Variants in DAAM2 observed in about 807,000 individuals in gnomAD.
DAAM2 encodes the protein disheveled-associated activator of morphogenesis 2.
DAAM2 carries 39 observed loss-of-function variants against 120.7 expected under a neutral mutation model. The ratio of observed to expected loss-of-function variants is 0.32; its 90% CI spans 0.25 to 0.42. The LOEUF (loss-of-function observed/expected upper bound fraction) is 0.42, where lower values mean the gene tolerates loss of function less well. DAAM2 is among the 10% of genes least tolerant of loss of function. The pLI is 1.00. For synonymous variants in DAAM2, 488 were observed against 524.9 expected (o/e 0.93, Z 0.96); for missense variants, 1,283 against 1,401.7 (o/e 0.92, Z 1.35).
chr6:39,799,951 A>G lies in DAAM2; in HGVS notation c.-57+7486A>G, dbSNP rs142054134. On this transcript the variant is annotated intron_variant, in intron 1 of 24. Transcript: ENST00000274867. ...GCCTGAGTATTTTTCACTGAAAGGG[A>G]ATCTTATAGTACATGTTACTCTGTA... 2.8e-3 allele frequency among the ~76,000 whole-genome samples: 433 copies of G among 152,206 alleles called. 3 individuals are homozygous for G. The highest frequency in any genetic ancestry group is 9.6e-3 in the African/African-American group (397 of 41,502).
In DAAM2 at chr6:39,888,666, G is replaced by C; in HGVS notation, c.2061-13G>C. On this transcript the variant is annotated splice_polypyrimidine_tract_variant and intron_variant, in intron 16 of 24. Transcript: ENST00000274867. ...TGAGGGCTGTCCTGGATTGAGGTGG[G>C]GTTTTGCCTTAGGTTGAAGCTTTCT... 2 of 1,612,394 alleles carry C rather than the reference G, an allele frequency of 1.2e-6. No individual in the cohort carries two copies. Among genetic ancestry groups the C allele is most frequent in the African/African-American group, 1.3e-5 (1 of 74,982 alleles).
intron 10 of DAAM2, 71 bp from the exon 11 acceptor site, chr6:39,875,259 C>T (rs1764822747): frequency 5.3e-6 from 8 of 1,523,566 alleles, no homozygotes; most frequent in Non-Finnish European, 7.1e-6. Context: ...AGACCCCAGG[C>T]AGCAACTCTA....
chr6:39,896,782 C>A, intron 19 of DAAM2, 30 bp from the exon 20 acceptor site: 7 of 1,530,814 alleles, frequency 4.6e-6, no homozygotes, highest in Non-Finnish European at 6.1e-6. Flanking sequence ...CTAGCCCATG[C>A]AGGCCTCTGA....
chr6:39,825,476 A>G (rs1762640099), intron 1 of DAAM2, among the ~76,000 whole-genome samples: 1 of 151,460 alleles, frequency 6.6e-6, no homozygotes, highest in Non-Finnish European at 1.5e-5. Context: ...TGAAGGAAAC[A>G]TAGTTAAGCA....
Position 39,901,530 on chromosome 6 carries a change from A to G in DAAM2, c.2982+58A>G. 1 of 1,544,784 alleles carries G rather than the reference A, an allele frequency of 6.5e-7. No individual in the cohort carries two copies. Among genetic ancestry groups the G allele is most frequent in the Non-Finnish European group, 8.7e-7 (1 of 1,146,170 alleles). ...GAGACGGGTGCTACTTGGGGAGAAC[A>G]CCCCCAAACTGGGGTGTGTGGGAGG... On this transcript the variant is annotated intron_variant, in intron 24 of 24. Transcript: ENST00000274867. This position sits in a 1 kb window ranked among gnomAD's most constrained non-coding sequence, Gnocchi z 4.5.
At chr6:39,900,723 C>T (rs1257599764) in intron 23 of DAAM2, among the ~76,000 whole-genome samples, 1 of 140,434 alleles carries the variant, frequency 7.1e-6, no homozygotes, top group Non-Finnish European at 1.5e-5. Flanking sequence ...GGAGGTGAAT[C>T]TGCTGCTAGT....
intron 17 of DAAM2, 62 bp downstream of exon 17, chr6:39,888,825 A>G: frequency 7.5e-7 from 1 of 1,336,364 alleles, no homozygotes. Flanking sequence ...CCCCTTCCCA[A>G]CAGCCCCCAG....
chr6:39,897,286 A>C lies in DAAM2; in HGVS notation c.2618+4A>C. ...TTCCAGAAGCTGCCAAAGTCAAGTGAGGGTTCTCTCCAAGACTTCCTTCTC... is the reference window on the plus strand; with the variant it reads ...TTCCAGAAGCTGCCAAAGTCAAGTGCGGGTTCTCTCCAAGACTTCCTTCTC... On this transcript the variant is annotated splice_donor_region_variant and intron_variant, in intron 21 of 24. Coordinates refer to ENST00000274867, the MANE Select transcript of DAAM2 (RefSeq NM_001201427.2). 2 of 1,566,988 alleles carry C rather than the reference A, an allele frequency of 1.3e-6. No individual in the cohort carries two copies. The highest frequency in any genetic ancestry group is 1.8e-6 in the Non-Finnish European group (2 of 1,137,738).
chr6:39,802,219 C>A (rs1019856725), intron 1 of DAAM2, among the ~76,000 whole-genome samples: 1 of 152,180 alleles, frequency 6.6e-6, no homozygotes, highest in Non-Finnish European at 1.5e-5. Context: ...TAAATGGAAG[C>A]TGAGGCTGAC....
At chr6:39,877,690 ATGAACAAGGC>A (rs1764926707) in intron 11 of DAAM2, among the ~76,000 whole-genome samples, 1 of 152,248 alleles carries the variant, frequency 6.6e-6, no homozygotes, top group South Asian at 2.1e-4. Flanking sequence ...AGAGCTTGGC[ATGAACAAGGC>A]TGTCCTCTGT....
intron 1 of DAAM2, chr6:39,820,058 A>T (rs1482441798): frequency 6.6e-6 from 1 of 152,284 alleles, no homozygotes; most frequent in Admixed American, 6.5e-5. Flanking sequence ...GGAAGCCTCC[A>T]TAGCAGCACT....
intron 2 of DAAM2, 43 bp downstream of exon 2, chr6:39,856,513 GGT>G: frequency 1.5e-6 from 2 of 1,366,696 alleles, no homozygotes; most frequent in South Asian, 1.8e-5. Flanking sequence ...TGGGGAGGAG[GGT>G]GGATGGAGAG....
At chr6:39,813,958 G>C (rs1582608457) in intron 1 of DAAM2, among the ~76,000 whole-genome samples, 1 of 152,290 alleles carries the variant, frequency 6.6e-6, no homozygotes, top group East Asian at 1.9e-4. Context: ...CATGGCCACT[G>C]TTTGGTAGAG....
At position 39,901,355 on chromosome 6, in the gene DAAM2, C is replaced by A; in HGVS notation, c.2865C>A (p.Asp955Glu). 6.2e-7 allele frequency: 1 copy of A among 1,613,940 alleles called. No homozygotes were observed. Among genetic ancestry groups the A allele is most frequent in the Non-Finnish European group, 8.5e-7 (1 of 1,179,864 alleles). ...AGCATGACAGCAAGATGCAGCCAGA[C>A]GAATTCTTTGGCATCTTTGATACCT... ...FGEHDSKMQP[D>E]EFFGIFDTFL... Residue 955 changes from aspartate (D) to glutamate (E), a missense_variant, in exon 24 of 25, where the codon GAC becomes GAA. This residue lies in a region of DAAM2 where 748 missense variants were observed against 768.6 expected (regional missense o/e 0.97). Transcript: ENST00000274867. The surrounding 1 kb of genome is among the most constrained non-coding windows in gnomAD (Gnocchi z 4.5).
chr6:39,890,020 T>C (rs2149354661), intron 17 of DAAM2, among the ~76,000 whole-genome samples: 1 of 151,972 alleles, frequency 6.6e-6, no homozygotes. Context: ...CCCAGCTACT[T>C]GGGAGGCTGA....
At chr6:39,845,777 G>A (rs9471188) in intron 1 of DAAM2, among the ~76,000 whole-genome samples, 18,190 of 151,658 alleles carry the variant, frequency 0.12, 1,943 homozygotes, top group African/African-American at 0.29. Flanking sequence ...TGAAAACTCC[G>A]TTTCACAGCT....
rs577467812 is a variant in DAAM2, at chr6:39,800,832, A to G, written c.-57+8367A>G. Among the ~76,000 whole-genome samples, 8 of 152,164 alleles carry G rather than the reference A, an allele frequency of 5.3e-5. No homozygotes were observed. The South Asian group carries it at 1.7e-3, about 32-fold the overall frequency. On this transcript the variant is annotated intron_variant, in intron 1 of 24. Coordinates refer to ENST00000274867, the MANE Select transcript of DAAM2 (RefSeq NM_001201427.2). ...TTAGCTGAGGCTACATCAGAGCTTCATTTCTCCCTCTGCCCAGTGCTGCCT... is the reference window on the plus strand; with the variant it reads ...TTAGCTGAGGCTACATCAGAGCTTCGTTTCTCCCTCTGCCCAGTGCTGCCT...
chr6:39,894,692 C>T (rs1765963813), intron 19 of DAAM2, among the ~76,000 whole-genome samples: 1 of 148,342 alleles, frequency 6.7e-6, no homozygotes, highest in South Asian at 2.1e-4. Context: ...GTGATCTTGG[C>T]TCACTGCAAC....
At position 39,901,844 on chromosome 6, in the gene DAAM2, A is replaced by AGCG. The variant is rs777102117; in HGVS notation, c.3017_3019dup (p.Arg1006dup). The AGCG allele has an allele frequency of 1.3e-5, 21 of 1,564,568 alleles. No individual in the cohort carries two copies. The highest frequency in any genetic ancestry group is 1.7e-4 in the Middle Eastern group (1 of 5,774). On this transcript the variant is annotated inframe_insertion, in exon 25 of 25. Coordinates refer to ENST00000274867, the MANE Select transcript of DAAM2 (RefSeq NM_001201427.2). The surrounding 1 kb of genome is among the most constrained non-coding windows in gnomAD (Gnocchi z 4.5). ...GAGCAGAGGGAACGTGAGCGGTGGC[A>AGCG]GCGGCAGCGGAAGGTCCTGGCTGCA...
Sources: gnomAD v4.1 joint callset for allele counts (sites outside exome capture counted in the v4.1 genomes callset) on GRCh38, gnomAD v4.1.1 for gene constraint, gnomAD v4.1.1 regional missense constraint, Gnocchi (gnomAD v3.1) non-coding constraint, MANE v1.5 for transcripts, NCBI Gene and HGNC (gene_info 2026-07-23, HGNC 2026-07-21) for gene names.